KMT2D: variants seen among roughly 807,000 people sequenced by gnomAD.
KMT2D encodes histone-lysine N-methyltransferase 2D.
KMT2D carries 55 observed loss-of-function variants against 512.7 expected under a neutral mutation model. The observed-to-expected ratio is 0.11, with a 90% CI of 0.09 to 0.13. The LOEUF (loss-of-function observed/expected upper bound fraction) is 0.13. Ranked by LOEUF, KMT2D falls within the 10% of genes least tolerant of loss-of-function variation. The pLI is 1.00. For synonymous variants in KMT2D, 2,995 were observed against 2,904.0 expected (o/e 1.03, Z -1.01); for missense variants, 6,061 against 7,127.9 (o/e 0.85, Z 5.39).
At chr12:49,029,833 T>C (rs1942811207) in intron 43 of KMT2D, among the ~76,000 whole-genome samples, 5 of 152,170 alleles carry the variant, frequency 3.3e-5, no homozygotes, top group Admixed American at 2.0e-4. Flanking sequence ...GCTTTAGATA[T>C]ACTCTTTGGA....
Position 49,041,924 on chromosome 12 carries a change from G to C in KMT2D, c.6176C>G (p.Pro2059Arg). The change falls in exon 30 of 55, where the codon CCC (proline) becomes CGC (arginine). Residue 2059 changes from proline to arginine, a missense_variant. Pro to Arg is a moderately radical substitution (Grantham distance 103). Around this residue, in one of 16 missense-constraint regions of KMT2D, gnomAD observed 640 missense variants for 814.3 expected, o/e 0.79. Coordinates refer to ENST00000301067, the MANE Select transcript of KMT2D (RefSeq NM_003482.4). This position sits in a 1 kb window ranked among gnomAD's most constrained non-coding sequence, Gnocchi z 5.4. The stretch of plus-strand genomic sequence containing the variant: ...TGCTCCTTTCTGCCTCACCAGGTAG[G>C]GGGCTTTGTCAGCTGCTGGAACCTT... ...WRKVPAADKAPYLQKAKDNRA... is the reference protein window; with the variant it reads ...WRKVPAADKARYLQKAKDNRA... 6.2e-7 allele frequency: 1 copy of C among 1,606,188 alleles called. No individual in the cohort carries two copies. The highest frequency in any genetic ancestry group is 8.5e-7 in the Non-Finnish European group (1 of 1,175,922).
In KMT2D at chr12:49,032,397, T is replaced by C. The variant is rs1185901015; in HGVS notation, c.12308A>G (p.Gln4103Arg). Residue 4103 changes from glutamine to arginine, a missense_variant, in exon 40 of 55, where the codon CAG becomes CGG. Coordinates refer to ENST00000301067, the MANE Select transcript of KMT2D (RefSeq NM_003482.4). ...TGCTGTGTGGAGCAGGCTAACTTGC[T>C]GCTGCTGTTGTCCTGGAAGCCTCAG... ...PPLRLPGQQQ[Q>R]QVSLLHTAGG... is the part of the protein sequence containing the mutation. 6.2e-7 allele frequency: 1 copy of C among 1,602,518 alleles called. No individual in the cohort carries two copies. The highest frequency in any genetic ancestry group is 1.7e-5 in the Admixed American group (1 of 57,474).
At chr12:49,047,834 TA>T in intron 15 of KMT2D, 130 bp downstream of exon 15, 1 of 619,608 alleles carries the variant, frequency 1.6e-6, no homozygotes. Context: ...AAAAGTTTGA[TA>T]ACCACTGGTG....
Position 49,052,414 on chromosome 12 carries a change from C to A in KMT2D, c.1269G>T (p.Gly423=), listed in dbSNP as rs1484496560. The part of the protein sequence containing the change: ...QCEAKPLGKA[G]VQLEPQLEAP... ...CCTCCAACTGGGGCTCAAGTTGGAC[C>A]CCTGCTTTCCCTGCAGACACAACAA... The change falls in exon 11 of 55, where the codon GGG becomes GGT. Residue 423 remains glycine (G), a synonymous_variant. Coordinates refer to ENST00000301067, the MANE Select transcript of KMT2D (RefSeq NM_003482.4). The A allele has an allele frequency of 6.5e-7, 1 of 1,540,200 alleles. No homozygotes were observed. The highest frequency in any genetic ancestry group is 1.3e-5 in the South Asian group (1 of 78,378).
chr12:49,033,144 GTGA>G lies in KMT2D; in HGVS notation c.11558_11560del (p.Val3853_Thr3854delinsAla). 6.4e-7 allele frequency: 1 copy of G among 1,550,668 alleles called. No homozygotes were observed. The highest frequency in any genetic ancestry group is 2.4e-5 in the East Asian group (1 of 40,874). On this transcript the variant is annotated inframe_deletion, in exon 40 of 55. Transcript: ENST00000301067. ...TTGTTGCTGCTGCTGCTGCTGGGCTGTGACCAGCCTGTGTCCCATAAGGCCCTG... is the reference window on the plus strand; with the variant it reads ...TTGTTGCTGCTGCTGCTGCTGGGCTGCCAGCCTGTGTCCCATAAGGCCCTG...
In KMT2D at chr12:49,051,543, A is replaced by C; in HGVS notation, c.2140T>G (p.Ser714Ala). The C allele has an allele frequency of 6.2e-7, 1 of 1,612,364 alleles. No homozygotes were observed. Among genetic ancestry groups the C allele is most frequent in the Non-Finnish European group, 8.5e-7 (1 of 1,179,068 alleles). Reference sequence around the variant, plus strand: ...TCCTCCAGCGGCAGGGACATGAGCGAGTCCTCCGGTGGTGGGGAAGCAGGT... The same window carrying C: ...TCCTCCAGCGGCAGGGACATGAGCGCGTCCTCCGGTGGTGGGGAAGCAGGT... ...DSPASPPPEDSLMSLPLEESP... is the reference protein window; with the variant it reads ...DSPASPPPEDALMSLPLEESP... The change falls in exon 11 of 55, where the codon TCG becomes GCG. Residue 714 changes from serine (S) to alanine (A), a missense_variant. Transcript: ENST00000301067.
intron 14 of KMT2D, 114 bp downstream of exon 14, chr12:49,048,545 G>A: frequency 1.5e-6 from 1 of 682,774 alleles, no homozygotes; most frequent in East Asian, 2.5e-5. Flanking sequence ...AGAATTCATG[G>A]TCTGTTTTCT....
At chr12:49,023,129 G>A (rs1942406096) in intron 51 of KMT2D, among the ~76,000 whole-genome samples, 1 of 152,048 alleles carries the variant, frequency 6.6e-6, no homozygotes, top group Admixed American at 6.5e-5. Flanking sequence ...GTGGGGTGTG[G>A]AGGGAGATGG....
intron 46 of KMT2D, 73 bp from the exon 47 acceptor site, chr12:49,028,214 G>C (rs1454585757): frequency 1.9e-6 from 3 of 1,593,520 alleles, no homozygotes; most frequent in Non-Finnish European, 2.6e-6. Context: ...TACCAGCTGG[G>C]TGGGGACAAG....
chr12:49,051,418 C>A lies in KMT2D; in HGVS notation c.2265G>T (p.Arg755=), dbSNP rs770166200. ...GCGGAGATAGGTGTGGCTCCTCAGG[C>A]CGGGGGGACAGGTGCGGCTCCTCAG... is the stretch of plus-strand genomic sequence containing the variant. ...PRPEEPHLSP[R]PEEPHLSPQA... Residue 755 remains arginine, a synonymous_variant, in exon 11 of 55, where the codon CGG becomes CGT. Transcript: ENST00000301067. 3.9e-5 allele frequency: 63 copies of A among 1,608,564 alleles called. No individual in the cohort carries two copies. The highest frequency in any genetic ancestry group is 8.5e-6 in the Non-Finnish European group (10 of 1,178,966).
chr12:49,032,256 T>C lies in KMT2D; in HGVS notation c.12449A>G (p.Gln4150Arg). The change falls in exon 40 of 55, where the codon CAG (glutamine) becomes CGG (arginine). Residue 4150 changes from glutamine (Q) to arginine (R), a missense_variant. Physicochemically the swap from Gln to Arg is conservative, Grantham distance 43 (BLOSUM62 1). This residue lies in a region of KMT2D where 1,600 missense variants were observed against 1,754.9 expected (regional missense o/e 0.91). Transcript: ENST00000301067. ...SLGDQPGSMT[Q>R]NLLGPQQPML... ...GGGCTGTTGGGGGCCCAGAAGGTTCTGGGTCATGGACCCAGGCTGATCCCC... is the reference window on the plus strand; with the variant it reads ...GGGCTGTTGGGGGCCCAGAAGGTTCCGGGTCATGGACCCAGGCTGATCCCC... 6.2e-7 allele frequency: 1 copy of C among 1,613,930 alleles called. No homozygotes were observed. Among genetic ancestry groups the C allele is most frequent in the Non-Finnish European group, 8.5e-7 (1 of 1,179,846 alleles).
At position 49,046,940 on chromosome 12, in the gene KMT2D, G is replaced by A. The variant is rs1014096375; in HGVS notation, c.4237-150C>T. 7.5e-6 allele frequency: 5 copies of A among 662,952 alleles called. No individual in the cohort carries two copies. The highest frequency in any genetic ancestry group is 1.2e-5 in the Non-Finnish European group (5 of 402,436). The allele number at this position is 662,952 out of a possible 1,614,324, so 41.1% of individuals were successfully genotyped here. A position where few individuals can be genotyped will look rare whatever the true frequency, so the allele number is the denominator to read the frequency against. Reference sequence around the variant, plus strand: ...GGCTCACTGCAACCTCTGCCTCTCAGGTACAAGTGATTCTCTTGTCTCAGC... The same window carrying A: ...GGCTCACTGCAACCTCTGCCTCTCAAGTACAAGTGATTCTCTTGTCTCAGC... On this transcript the variant is annotated intron_variant, in intron 15 of 54. Coordinates refer to ENST00000301067, the MANE Select transcript of KMT2D (RefSeq NM_003482.4). This position sits in a 1 kb window ranked among gnomAD's most constrained non-coding sequence, Gnocchi z 4.2.
In KMT2D at chr12:49,032,719, C is replaced by T. The variant is rs1177520201; in HGVS notation, c.11986G>A (p.Ala3996Thr). Residue 3996 changes from alanine (A) to threonine (T), a missense_variant, in exon 40 of 55, where the codon GCA (alanine) becomes ACA (threonine). This residue lies in a region of KMT2D where 1,600 missense variants were observed against 1,754.9 expected (regional missense o/e 0.91). Transcript: ENST00000301067. ...SPQQQQQQQV[A>T]LGPGMPAKPL... The stretch of plus-strand genomic sequence containing the variant: ...TTTGCTGGCATGCCAGGGCCAAGTG[C>T]CACTTGCTGCTGCTGTTGTTGCTGA... 6.2e-7 allele frequency: 1 copy of T among 1,607,684 alleles called. No homozygotes were observed.
chr12:49,031,814 A>C lies in KMT2D; in HGVS notation c.12891T>G (p.Ser4297=), dbSNP rs777002300. 3.2e-6 allele frequency: 5 copies of C among 1,575,770 alleles called. No homozygotes were observed. The African/African-American group carries it at 6.8e-5, about 21-fold the overall frequency. The part of the protein sequence containing the change: ...PRLPAPPGAL[S]TGPVLGPVHP... Reference sequence around the variant, plus strand: ...GGACAGGGCCAAGGACTGGTCCTGTAGATAAGGCTCCTGGTGGGGCAGGGA... The same window carrying C: ...GGACAGGGCCAAGGACTGGTCCTGTCGATAAGGCTCCTGGTGGGGCAGGGA... Residue 4297 remains serine, a synonymous_variant, in exon 40 of 55, where the codon TCT becomes TCG. Transcript: ENST00000301067.
Position 49,042,656 on chromosome 12 carries a change from G to A in KMT2D, c.5783-11C>T, listed in dbSNP as rs1943595340. On this transcript the variant is annotated splice_polypyrimidine_tract_variant and intron_variant, in intron 27 of 54. Coordinates refer to ENST00000301067, the MANE Select transcript of KMT2D (RefSeq NM_003482.4). The surrounding 1 kb of genome is among the most constrained non-coding windows in gnomAD (Gnocchi z 4.4). Reference sequence around the variant, plus strand: ...CCAAAGGGAGTCCACCTACAAGACGGACAGGATCAGAGAAAAGAGCAACTG... The same window carrying A: ...CCAAAGGGAGTCCACCTACAAGACGAACAGGATCAGAGAAAAGAGCAACTG... 2.5e-6 allele frequency: 4 copies of A among 1,612,190 alleles called. No individual in the cohort carries two copies. Among genetic ancestry groups the A allele is most frequent in the Non-Finnish European group, 3.4e-6 (4 of 1,178,904 alleles).
At position 49,037,582 on chromosome 12, in the gene KMT2D, C is replaced by A. The variant is rs1241784733; in HGVS notation, c.9774G>T (p.Lys3258Asn). 6.4e-7 allele frequency: 1 copy of A among 1,554,816 alleles called. No homozygotes were observed. Among genetic ancestry groups the A allele is most frequent in the South Asian group, 1.2e-5 (1 of 84,248 alleles). Residue 3258 changes from lysine (K) to asparagine (N), a missense_variant, in exon 35 of 55, where the codon AAG becomes AAT. Lys to Asn is a moderately conservative substitution (Grantham distance 94). Around this residue, in one of 16 missense-constraint regions of KMT2D, gnomAD observed 533 missense variants for 539.6 expected, o/e 0.99. Transcript: ENST00000301067. ...AAAGCTGCTGCTTCTTCTGCAGCTC[C>A]TTCTTCTCATGCTCCAACAGGTCCT... ...LIEDLLEHEK[K>N]ELQKKQQLSA...
rs776759589 is a variant in KMT2D at position 49,048,698 on chromosome 12, C to T, written c.4092G>A (p.Val1364=). 3.1e-6 allele frequency: 5 copies of T among 1,613,588 alleles called. No individual in the cohort carries two copies. Among genetic ancestry groups the T allele is most frequent in the Non-Finnish European group, 4.2e-6 (5 of 1,179,692 alleles). The change falls in exon 14 of 55, where the codon GTG becomes GTA. Residue 1364 remains valine (V), a synonymous_variant. Transcript: ENST00000301067. ...EEDDDTMQNT[V]VLFSNTDKFV... ...ATTTGTCTGTGTTGGAGAAGAGAACCACGGTATTCTGCATGGTGTCATCAT... is the reference window on the plus strand; with the variant it reads ...ATTTGTCTGTGTTGGAGAAGAGAACTACGGTATTCTGCATGGTGTCATCAT...
intron 10 of KMT2D, 61 bp from the exon 11 acceptor site, chr12:49,052,485 G>C (rs777680159): frequency 8.4e-6 from 13 of 1,553,830 alleles, no homozygotes; most frequent in Non-Finnish European, 1.1e-5. Context: ...GAAAGTGTGG[G>C]GTCTGGGGCA....
rs2120482510 is a variant in KMT2D at position 49,037,598 on chromosome 12, A to T, written c.9758T>A (p.Leu3253Ter). ...CTGCAGCTCCTTCTTCTCATGCTCC[A>T]ACAGGTCCTCAATGAGCAGGGGTAA... ...SELPLLIEDL[L>*]EHEKKELQKK... Residue 3253 changes from leucine to a stop codon, truncating the protein, a stop_gained, in exon 35 of 55, where the codon TTG becomes TAG. Transcript: ENST00000301067. LOFTEE classifies it high-confidence loss of function. The T allele has an allele frequency of 6.4e-7, 1 of 1,557,120 alleles. No individual in the cohort carries two copies. Among genetic ancestry groups the T allele is most frequent in the Non-Finnish European group, 8.7e-7 (1 of 1,150,214 alleles).
Sources: gnomAD v4.1 joint callset for allele counts (sites outside exome capture counted in the v4.1 genomes callset) on GRCh38, gnomAD v4.1.1 for gene constraint, gnomAD v4.1.1 regional missense constraint, Gnocchi (gnomAD v3.1) non-coding constraint, MANE v1.5 for transcripts, NCBI Gene and HGNC (gene_info 2026-07-23, HGNC 2026-07-21) for gene names.